FAM3B: variants seen among roughly 807,000 people sequenced by gnomAD.
FAM3B encodes the protein FAM3 metabolism regulating signaling molecule B, also known as protein FAM3B.
FAM3B carries 29 observed loss-of-function variants against 28.4 expected under a neutral mutation model. The observed-to-expected ratio is 1.02, with a 90% CI of 0.76 to 1.39. FAM3B has a LOEUF of 1.39. FAM3B is among the 40% of genes most tolerant of loss of function. FAM3B has a pLI of 0.00. For missense variants in FAM3B, 266 were observed against 293.9 expected (o/e 0.91, Z 0.69); for synonymous variants, 91 against 103.0 (o/e 0.88, Z 0.71).
At chr21:41,353,079 A>T (rs1485911327) in intron 7 of FAM3B, among the ~76,000 whole-genome samples, 2 of 152,198 alleles carry the variant, frequency 1.3e-5, no homozygotes, top group Non-Finnish European at 2.9e-5. Flanking sequence ...AGTATCAAAA[A>T]GAATAAAATT....
chr21:41,318,497 C>CCTT (rs2088770871), intron 1 of FAM3B, among the ~76,000 whole-genome samples: 1 of 152,078 alleles, frequency 6.6e-6, no homozygotes, highest in Non-Finnish European at 1.5e-5. Flanking sequence ...TTCAGAGTGG[C>CCTT]CCTTCCTAGC....
chr21:41,353,150 T>A (rs993987328), intron 7 of FAM3B, among the ~76,000 whole-genome samples: 29 of 152,206 alleles, frequency 1.9e-4, no homozygotes, highest in Non-Finnish European at 3.5e-4. Context: ...ATAAAACATG[T>A]TGAAAGAAAT....
intron 7 of FAM3B, among the ~76,000 whole-genome samples, chr21:41,350,136 G>T (rs1261964265): frequency 6.6e-6 from 1 of 152,222 alleles, no homozygotes; most frequent in Non-Finnish European, 1.5e-5. Context: ...TTTGCGAGGG[G>T]ACGTCGTGTG....
rs1223588627 is a variant in FAM3B at position 41,357,395 on chromosome 21, AAT to A, written c.*199_*200del. 3.4e-5 allele frequency: 14 copies of A among 412,484 alleles called. No individual in the cohort carries two copies. Among genetic ancestry groups the A allele is most frequent in the Middle Eastern group, 8.2e-4 (2 of 2,448 alleles). 25.6% of individuals were successfully genotyped at this position (412,484 alleles called of 1,614,324 possible). On this transcript the variant is annotated 3_prime_UTR_variant, in exon 8 of 8. Transcript: ENST00000357985. ...CAGTATTTTATGTAGTGAAGATGTCAATTAGCAGGAAACTAAAATGAATGGAA... is the reference window on the plus strand; with the variant it reads ...CAGTATTTTATGTAGTGAAGATGTCATAGCAGGAAACTAAAATGAATGGAA...
Position 41,305,912 on chromosome 21 carries a change from A to T in FAM3B, n.99+1602A>T, listed in dbSNP as rs116054658. ...AATTGACAAAAGGTTTCTCTGTAGC[A>T]TGCAATGTTGTTTGATAGTATTTGA... On this transcript the variant is annotated intron_variant and non_coding_transcript_variant, in intron 1 of 9. Transcript: ENST00000479810. 3.7e-3 allele frequency among the ~76,000 whole-genome samples: 561 copies of T among 152,368 alleles called. 4 individuals carry two copies. Among genetic ancestry groups the T allele is most frequent in the African/African-American group, 0.013 (545 of 41,588 alleles).
chr21:41,327,827 C>G (rs976416827), intron 2 of FAM3B, among the ~76,000 whole-genome samples: 1 of 152,216 alleles, frequency 6.6e-6, no homozygotes, highest in East Asian at 1.9e-4. Flanking sequence ...ACCACACCCT[C>G]CAGGATGCAG....
At chr21:41,335,409 C>T (rs1013636995) in intron 2 of FAM3B, among the ~76,000 whole-genome samples, 2 of 152,174 alleles carry the variant, frequency 1.3e-5, no homozygotes, top group African/African-American at 4.8e-5. Flanking sequence ...GGATTCCTCA[C>T]GAGTGGTTTA....
intron 2 of FAM3B, among the ~76,000 whole-genome samples, chr21:41,333,532 G>A (rs114508846): frequency 1.3e-5 from 2 of 152,296 alleles, no homozygotes; most frequent in African/African-American, 4.8e-5. Flanking sequence ...ATGATTGTAA[G>A]TTTCCTGGGG....
upstream of FAM3B, chr21:41,316,679 G>A (rs997438621): frequency 2.4e-6 from 1 of 409,888 alleles, no homozygotes; most frequent in South Asian, 7.6e-5. Flanking sequence ...GCACAGCCCC[G>A]CGCACCTGCC....
At chr21:41,322,852 G>T in intron 1 of FAM3B, 71 bp from the exon 2 acceptor site, 2 of 1,612,730 alleles carry the variant, frequency 1.2e-6, no homozygotes, top group Non-Finnish European at 8.5e-7. Flanking sequence ...GCCACAGGGG[G>T]GATGGGGAGG....
intron 3 of FAM3B, among the ~76,000 whole-genome samples, chr21:41,340,257 G>A (rs1319221794): frequency 6.6e-6 from 1 of 150,946 alleles, no homozygotes; most frequent in African/African-American, 2.4e-5. Flanking sequence ...AGGTTCAAGC[G>A]CTTCTCCTGC....
At chr21:41,308,560 A>G (rs1183271033) in intron 1 of FAM3B, among the ~76,000 whole-genome samples, 4 of 124,868 alleles carry the variant, frequency 3.2e-5, no homozygotes, top group Admixed American at 8.9e-5. Context: ...TTTTTTTGAG[A>G]CAGAGTTTCA....
rs200128847 is a variant in FAM3B at position 41,356,080 on chromosome 21, CACACAT to C, written c.619-1026_619-1021del. On this transcript the variant is annotated intron_variant, in intron 7 of 7. Transcript: ENST00000357985. ...ACACACACACACACACACACACACA[CACACAT>C]AGTTTTACTCCCAGAGTTGAAAACT... Among the ~76,000 whole-genome samples the C allele has an allele frequency of 6.0e-3, 863 of 143,476 alleles. 11 individuals carry two copies. Among genetic ancestry groups the C allele is most frequent in the African/African-American group, 0.021 (748 of 35,668 alleles). 94.1% of individuals were successfully genotyped at this position (143,476 alleles called of 152,430 possible). A position where few individuals can be genotyped will look rare whatever the true frequency, so the allele number is the denominator to read the frequency against.
At chr21:41,307,019 C>T (rs974885418) in intron 1 of FAM3B, among the ~76,000 whole-genome samples, 5 of 152,212 alleles carry the variant, frequency 3.3e-5, no homozygotes, top group Non-Finnish European at 5.9e-5. Flanking sequence ...TCTGAAGCTT[C>T]GAACCAGTCA....
At chr21:41,334,745 G>A (rs1275965444) in intron 2 of FAM3B, among the ~76,000 whole-genome samples, 1 of 152,214 alleles carries the variant, frequency 6.6e-6, no homozygotes, top group Non-Finnish European at 1.5e-5. Context: ...GTGGAGCTGT[G>A]GGAAGAGGGC....
At chr21:41,323,124 G>A (rs2088825229) in intron 2 of FAM3B, 58 bp downstream of exon 2, 5 of 1,585,978 alleles carry the variant, frequency 3.2e-6, no homozygotes, top group African/African-American at 1.3e-5. Flanking sequence ...AGAGGGAGGA[G>A]TGGTGGTTTC....
In FAM3B at chr21:41,357,460, G is replaced by T; in HGVS notation, c.*263G>T. On this transcript the variant is annotated 3_prime_UTR_variant, in exon 8 of 8. Transcript: ENST00000357985. ...AATGATGTGATTCAAGCTGGAAAGA[G>T]GGTTGGGAGAAACAGCTTGTCCAGG... 1 of 291,552 alleles carries T rather than the reference G, an allele frequency of 3.4e-6. No individual in the cohort carries two copies. The highest frequency in any genetic ancestry group is 6.6e-6 in the Non-Finnish European group (1 of 152,038). 18.1% of individuals were successfully genotyped at this position (291,552 alleles called of 1,614,324 possible).
At chr21:41,324,866 C>T (rs1466427178) in intron 2 of FAM3B, among the ~76,000 whole-genome samples, 1 of 152,174 alleles carries the variant, frequency 6.6e-6, no homozygotes, top group Non-Finnish European at 1.5e-5. Flanking sequence ...CTTTGGGAGG[C>T]CGAGGCGGGC....
chr21:41,351,751 C>A (rs1380789102), intron 7 of FAM3B, among the ~76,000 whole-genome samples: 2 of 152,230 alleles, frequency 1.3e-5, no homozygotes, highest in East Asian at 3.8e-4. Flanking sequence ...CACTCTCATG[C>A]AGAGCCTTTA....
Sources: gnomAD v4.1 joint callset for allele counts (sites outside exome capture counted in the v4.1 genomes callset) on GRCh38, gnomAD v4.1.1 for gene constraint, MANE v1.5 for transcripts, NCBI Gene and HGNC (gene_info 2026-07-23, HGNC 2026-07-21) for gene names.